The following KIAA1217 variants were observed in gnomAD, a reference collection of about 807,000 sequenced individuals.
KIAA1217 encodes the protein sickle tail protein homolog.
A neutral mutation model predicts 163.9 loss-of-function variants in KIAA1217; 88 were observed. The observed-to-expected ratio is 0.54, with a 90% CI of 0.45 to 0.64. KIAA1217 has a LOEUF of 0.64. KIAA1217 is among the 30% of genes least tolerant of loss of function. The pLI is 0.00. For missense variants in KIAA1217, 2,372 were observed against 2,475.0 expected (o/e 0.96, Z 0.88); for synonymous variants, 903 against 923.1 (o/e 0.98, Z 0.39).
chr10:23,805,641 T>G (rs1415361218), intron 1 of KIAA1217, among the ~76,000 whole-genome samples: 2 of 152,102 alleles, frequency 1.3e-5, no homozygotes, highest in Non-Finnish European at 2.9e-5. Flanking sequence ...AGTTTGCCTA[T>G]GTAACAAACC....
intron 1 of KIAA1217, among the ~76,000 whole-genome samples, chr10:23,914,630 C>T (rs1294967515): frequency 6.6e-6 from 1 of 152,252 alleles, no homozygotes; most frequent in East Asian, 1.9e-4. Flanking sequence ...AAAATTTTAA[C>T]ATCAGCTGTA....
chr10:24,313,904 A>G (rs1422406464), intron 2 of KIAA1217, among the ~76,000 whole-genome samples: 2 of 148,180 alleles, frequency 1.3e-5, no homozygotes, highest in South Asian at 2.2e-4. Flanking sequence ...CAGTGGTGCA[A>G]TCTCGGCTCA....
chr10:24,320,272 A>C (rs994150130), intron 2 of KIAA1217, among the ~76,000 whole-genome samples: 5 of 152,244 alleles, frequency 3.3e-5, no homozygotes, highest in African/African-American at 1.2e-4. Context: ...AGGAAAAATA[A>C]ATTGGTACCC....
chr10:24,465,361 T>C lies in KIAA1217; in HGVS notation c.847-7867T>C, dbSNP rs142498825. Among the ~76,000 whole-genome samples the C allele has an allele frequency of 2.2e-3, 331 of 152,322 alleles. 1 individual carries two copies. The highest frequency in any genetic ancestry group is 7.5e-3 in the African/African-American group (312 of 41,578). Reference sequence around the variant, plus strand: ...CCTTCTTTAATAACCACAAAGTGATTTGATGGCAGTAAACAGTTTTTTTAG... The same window carrying C: ...CCTTCTTTAATAACCACAAAGTGATCTGATGGCAGTAAACAGTTTTTTTAG... On this transcript the variant is annotated intron_variant, in intron 5 of 20. Transcript: ENST00000376454.
intron 3 of KIAA1217, among the ~76,000 whole-genome samples, chr10:24,427,897 A>T (rs2059298227): frequency 6.6e-6 from 1 of 152,216 alleles, no homozygotes; most frequent in Non-Finnish European, 1.5e-5. Flanking sequence ...GAATTGAGAA[A>T]GCAAACTGTG....
intron 2 of KIAA1217, among the ~76,000 whole-genome samples, chr10:24,256,173 C>T (rs182113479): frequency 3.9e-5 from 6 of 151,916 alleles, no homozygotes; most frequent in East Asian, 3.9e-4. Context: ...GTGTCACCTT[C>T]GCAAAGTGCA....
chr10:24,085,972 CA>C (rs111641140), intron 2 of KIAA1217, among the ~76,000 whole-genome samples: 33 of 144,838 alleles, frequency 2.3e-4, no homozygotes, highest in South Asian at 2.2e-4. Flanking sequence ...GACCCTGTCT[CA>C]AAAAAAAAAA....
intron 2 of KIAA1217, among the ~76,000 whole-genome samples, chr10:24,339,315 C>T (rs188316109): frequency 2.2e-4 from 34 of 152,232 alleles, no homozygotes; most frequent in African/African-American, 7.2e-4. Context: ...CATTGTCACC[C>T]AATTTTTGGC....
intron 1 of KIAA1217, among the ~76,000 whole-genome samples, chr10:23,948,612 T>C (rs1844168383): frequency 6.6e-6 from 1 of 152,198 alleles, no homozygotes; most frequent in East Asian, 1.9e-4. Context: ...GTATTCATTA[T>C]TGCCATTTTC....
intron 2 of KIAA1217, among the ~76,000 whole-genome samples, chr10:24,173,306 T>A (rs991161148): frequency 3.3e-5 from 5 of 151,920 alleles, no homozygotes; most frequent in Non-Finnish European, 7.4e-5. Context: ...AGCTCAGGGC[T>A]CCCACTGATT....
chr10:23,997,535 G>A (rs1365599453), intron 1 of KIAA1217, among the ~76,000 whole-genome samples: 1 of 152,166 alleles, frequency 6.6e-6, no homozygotes, highest in Non-Finnish European at 1.5e-5. Flanking sequence ...AAAATAATTT[G>A]TGGTAGGTAG....
chr10:24,088,462 C>T (rs1485557328), intron 2 of KIAA1217, among the ~76,000 whole-genome samples: 8 of 87,760 alleles, frequency 9.1e-5, no homozygotes, highest in African/African-American at 2.5e-4. Context: ...TACTCAACAA[C>T]AGGCCCCAGT....
chr10:24,386,005 A>G (rs7896427), intron 3 of KIAA1217, among the ~76,000 whole-genome samples: 78,001 of 152,014 alleles, frequency 0.51, 22,465 homozygotes, highest in African/African-American at 0.79. Flanking sequence ...GGTAGCCACA[A>G]GATGTTCCCA....
intron 1 of KIAA1217, among the ~76,000 whole-genome samples, chr10:23,992,876 C>G (rs901647806): frequency 1.5e-4 from 23 of 151,696 alleles, no homozygotes; most frequent in Non-Finnish European, 3.1e-4. Flanking sequence ...AGAAAGGCCA[C>G]CCTTAACCAG....
At chr10:24,008,988 A>G (rs757756186) in intron 2 of KIAA1217, among the ~76,000 whole-genome samples, 5 of 152,206 alleles carry the variant, frequency 3.3e-5, no homozygotes, top group Admixed American at 1.3e-4. Flanking sequence ...CAAGAGATCA[A>G]AGAGTCAACC....
chr10:23,945,317 C>T (rs1158744925), intron 1 of KIAA1217, among the ~76,000 whole-genome samples: 1 of 152,094 alleles, frequency 6.6e-6, no homozygotes, highest in Non-Finnish European at 1.5e-5. Flanking sequence ...AATATTGATA[C>T]CTGCAACCAC....
At chr10:23,801,711 T>G (rs1165908826) in intron 1 of KIAA1217, among the ~76,000 whole-genome samples, 1 of 151,978 alleles carries the variant, frequency 6.6e-6, no homozygotes, top group Non-Finnish European at 1.5e-5. Context: ...GATACTGTTA[T>G]TATCCCCCTA....
At chr10:23,816,667 A>G (rs971388664) in intron 1 of KIAA1217, among the ~76,000 whole-genome samples, 3 of 152,214 alleles carry the variant, frequency 2.0e-5, no homozygotes, top group Non-Finnish European at 4.4e-5. Flanking sequence ...AGAAATGAAG[A>G]GTGAAGAGTG....
chr10:23,753,821 T>C (rs187934549), intron 1 of KIAA1217, among the ~76,000 whole-genome samples: 2 of 152,340 alleles, frequency 1.3e-5, no homozygotes, highest in Admixed American at 6.5e-5. Flanking sequence ...TTTTTAAACA[T>C]CTATTTTTAG....
Sources: allele counts gnomAD v4.1 joint callset (sites outside exome capture counted in the v4.1 genomes callset), GRCh38; gene constraint gnomAD v4.1.1; transcripts MANE v1.5; gene names NCBI Gene and HGNC (gene_info 2026-07-23, HGNC 2026-07-21).